MALRD1: variants seen among roughly 807,000 people sequenced by gnomAD.
The protein encoded by MALRD1 is MAM and LDL receptor class A domain containing 1.
MALRD1 carries 247 observed loss-of-function variants against 242.1 expected under a neutral mutation model. The observed-to-expected ratio is 1.02, with a 90% CI of 0.92 to 1.13. The LOEUF (loss-of-function observed/expected upper bound fraction) is 1.13, where lower values mean the gene tolerates loss of function less well. Among genes scored for constraint, MALRD1 ranks in the 50% most tolerant of loss-of-function variants. The pLI is 0.00. For missense variants in MALRD1, 2,989 were observed against 2,533.1 expected, an observed-to-expected ratio of 1.18 and a Z score of -3.86; for synonymous variants, 995 against 866.6, an observed-to-expected ratio of 1.15 and a Z score of -2.60.
intron 1 of MALRD1, among the ~76,000 whole-genome samples, chr10:19,061,251 A>G (rs543745245): frequency 6.6e-6 from 1 of 152,328 alleles, no homozygotes; most frequent in African/African-American, 2.4e-5. Context: ...TTTTATATTG[A>G]AAACTATGTC....
intron 18 of MALRD1, among the ~76,000 whole-genome samples, chr10:19,223,066 G>A (rs965566307): frequency 2.0e-5 from 3 of 152,140 alleles, no homozygotes; most frequent in Non-Finnish European, 2.9e-5. Context: ...ACTCACTATA[G>A]ATTAGGGACA....
At chr10:19,387,444 A>T in intron 26 of MALRD1, 84 bp from the exon 27 acceptor site, 1 of 1,428,472 alleles carries the variant, frequency 7.0e-7, no homozygotes, top group Non-Finnish European at 9.3e-7. Context: ...ATAGATTAAA[A>T]TGAATCCACT....
At chr10:19,237,927 T>C (rs796639595) in intron 18 of MALRD1, among the ~76,000 whole-genome samples, 1 of 25,620 alleles carries the variant, frequency 3.9e-5, no homozygotes, top group Non-Finnish European at 5.9e-5. Context: ...TATAATTATA[T>C]GTAATTTTAT....
At chr10:19,539,567 ATGTGTCCCCAAATGCTTAG>A (rs1834840453) in intron 32 of MALRD1, among the ~76,000 whole-genome samples, 6 of 152,292 alleles carry the variant, frequency 3.9e-5, no homozygotes, top group Admixed American at 3.3e-4. Context: ...AAATAGTTAG[ATGTGTCCCCAAATGCTTAG>A]TGTGTGTGAG....
chr10:19,095,440 G>C (rs772671952), intron 4 of MALRD1, among the ~76,000 whole-genome samples: 1 of 152,186 alleles, frequency 6.6e-6, no homozygotes, highest in African/African-American at 2.4e-5. Flanking sequence ...ACTGTACTCT[G>C]TTGAAGTCAA....
chr10:19,577,995 G>A (rs905766828), intron 33 of MALRD1, among the ~76,000 whole-genome samples: 12 of 152,028 alleles, frequency 7.9e-5, no homozygotes, highest in Non-Finnish European at 1.8e-4. Context: ...GGCTATGAGA[G>A]GCTACATTTA....
At chr10:19,169,952 T>G (rs1056836295) in intron 13 of MALRD1, among the ~76,000 whole-genome samples, 1 of 152,180 alleles carries the variant, frequency 6.6e-6, no homozygotes, top group Non-Finnish European at 1.5e-5. Flanking sequence ...TCAAATCATG[T>G]GACCTCTGTG....
rs531749781 is a variant in MALRD1 at position 19,086,765 on chromosome 10, G to A, written c.341-1075G>A. Among the ~76,000 whole-genome samples the A allele has an allele frequency of 3.3e-5, 5 of 152,204 alleles. No individual in the cohort carries two copies. In the South Asian group the frequency reaches 1.0e-3, roughly 31 times the overall value. ...GAACCTGAGAGGGGCCTCTGGCCGA[G>A]TTAGGTCAAGAGCCCTCTCTCTTAC... On this transcript the variant is annotated intron_variant, in intron 2 of 39. Coordinates refer to ENST00000454679, the MANE Select transcript of MALRD1 (RefSeq NM_001142308.3).
At chr10:19,549,877 C>G (rs965787271) in intron 32 of MALRD1, among the ~76,000 whole-genome samples, 1 of 152,182 alleles carries the variant, frequency 6.6e-6, no homozygotes, top group Non-Finnish European at 1.5e-5. Flanking sequence ...TAATTCCTAA[C>G]TATTACATTG....
chr10:19,496,759 TA>T (rs1837738305), intron 30 of MALRD1, among the ~76,000 whole-genome samples: 1 of 152,166 alleles, frequency 6.6e-6, no homozygotes, highest in Admixed American at 6.5e-5. Context: ...TATATGTGAA[TA>T]TTTTTAAATT....
chr10:19,357,285 T>A (rs2131017317), intron 26 of MALRD1, among the ~76,000 whole-genome samples: 1 of 152,222 alleles, frequency 6.6e-6, no homozygotes, highest in African/African-American at 2.4e-5. Context: ...AATTTCCACA[T>A]GTTTCTTAGG....
intron 32 of MALRD1, among the ~76,000 whole-genome samples, chr10:19,546,437 T>TAA (rs1835210422): frequency 6.6e-6 from 1 of 152,220 alleles, no homozygotes; most frequent in Non-Finnish European, 1.5e-5. Flanking sequence ...GAAACTCCTG[T>TAA]GTCAGAGCTC....
intron 7 of MALRD1, among the ~76,000 whole-genome samples, chr10:19,127,218 T>A (rs1369412899): frequency 2.6e-5 from 4 of 152,224 alleles, no homozygotes; most frequent in East Asian, 1.9e-4. Flanking sequence ...AGACTATTTT[T>A]AAAAAGATTA....
At chr10:19,220,134 T>G (rs946227361) in intron 18 of MALRD1, among the ~76,000 whole-genome samples, 3 of 152,156 alleles carry the variant, frequency 2.0e-5, no homozygotes, top group African/African-American at 7.2e-5. Context: ...TAGAACTCAG[T>G]GCTGATTTCT....
At chr10:19,154,249 A>G (rs1834046883) in intron 11 of MALRD1, among the ~76,000 whole-genome samples, 2 of 152,180 alleles carry the variant, frequency 1.3e-5, no homozygotes, top group Non-Finnish European at 2.9e-5. Flanking sequence ...TAAACATGTG[A>G]TGGAGTCTAT....
chr10:19,479,386 T>C (rs1048001867), intron 29 of MALRD1, among the ~76,000 whole-genome samples: 1 of 152,152 alleles, frequency 6.6e-6, no homozygotes, highest in Non-Finnish European at 1.5e-5. Context: ...GTGTGAGTTA[T>C]AGGAATCCAT....
At chr10:19,479,065 A>T (rs1836869889) in intron 29 of MALRD1, among the ~76,000 whole-genome samples, 3 of 152,312 alleles carry the variant, frequency 2.0e-5, no homozygotes, top group South Asian at 2.1e-4. Flanking sequence ...AAGCAATTTT[A>T]CCAAATTTAA....
chr10:19,511,468 A>G (rs1833398070), intron 31 of MALRD1, among the ~76,000 whole-genome samples: 3 of 152,236 alleles, frequency 2.0e-5, no homozygotes, highest in Non-Finnish European at 4.4e-5. Context: ...GTTAGAGCCC[A>G]TCAACAATTA....
chr10:19,176,448 C>T (rs1299334375), intron 14 of MALRD1, among the ~76,000 whole-genome samples: 1 of 136,682 alleles, frequency 7.3e-6, no homozygotes, highest in African/African-American at 2.7e-5. Context: ...AATCTCGGCT[C>T]ACTGCAAGCT....
Sources: allele counts gnomAD v4.1 joint callset (sites outside exome capture counted in the v4.1 genomes callset), GRCh38; gene constraint gnomAD v4.1.1; transcripts MANE v1.5; gene names NCBI Gene and HGNC (gene_info 2026-07-23, HGNC 2026-07-21).